ARK2C: variants seen among roughly 807,000 people sequenced by gnomAD.
ARK2C encodes the protein arkadia (RNF111) C-terminal like ring finger ubiquitin ligase 2C, also known as E3 ubiquitin-protein ligase ARK2C.
chr18:46,363,459 C>G, the ARK2C span, among the ~76,000 whole-genome samples: 1 of 152,200 alleles, frequency 6.6e-6, no homozygotes. Flanking sequence ...AGACAGTGCC[C>G]GTTCCTGGCT....
chr18:46,354,353 G>A, the ARK2C span, among the ~76,000 whole-genome samples: 1 of 152,210 alleles, frequency 6.6e-6, no homozygotes, highest in Non-Finnish European at 1.5e-5. Flanking sequence ...ATTAACTGAT[G>A]CAGGTTTGTA....
chr18:46,339,007 G>A, the ARK2C span, among the ~76,000 whole-genome samples: 21 of 152,046 alleles, frequency 1.4e-4, no homozygotes, highest in Non-Finnish European at 2.6e-4. Context: ...CTTTGTTCTC[G>A]TGCTCTTCCC....
chr18:46,370,532 C>T, the ARK2C span, among the ~76,000 whole-genome samples: 1 of 152,156 alleles, frequency 6.6e-6, no homozygotes, highest in Admixed American at 6.5e-5. Context: ...GTAGGGAAAA[C>T]ATTGTGTTCA....
the ARK2C span, among the ~76,000 whole-genome samples, chr18:46,342,481 TG>T: frequency 6.6e-6 from 1 of 152,212 alleles, no homozygotes; most frequent in African/African-American, 2.4e-5. Context: ...AAGGGGACTT[TG>T]AGAGACAGGG....
At chr18:46,409,101 C>G in the ARK2C span, among the ~76,000 whole-genome samples, 3 of 152,210 alleles carry the variant, frequency 2.0e-5, no homozygotes, top group Non-Finnish European at 4.4e-5. Context: ...GAGCACCTAA[C>G]AGTGCCTGGC....
chr18:46,392,657 A>G, the ARK2C span, among the ~76,000 whole-genome samples: 1 of 152,136 alleles, frequency 6.6e-6, no homozygotes, highest in African/African-American at 2.4e-5. Context: ...GCTGGGGGAC[A>G]CTGGGCCAGC....
At chr18:46,423,574 C>T in the ARK2C span, among the ~76,000 whole-genome samples, 2 of 152,142 alleles carry the variant, frequency 1.3e-5, no homozygotes, top group Non-Finnish European at 2.9e-5. Context: ...CACGTGGAGA[C>T]GTGTATGGTT....
chr18:46,378,888 T>C, the ARK2C span, among the ~76,000 whole-genome samples: 1 of 152,298 alleles, frequency 6.6e-6, no homozygotes, highest in East Asian at 1.9e-4. Context: ...GCTATGGTCC[T>C]GTCTAACCCA....
chr18:46,425,317 C>G, the ARK2C span, among the ~76,000 whole-genome samples: 1 of 152,216 alleles, frequency 6.6e-6, no homozygotes. Flanking sequence ...AGCTGGCAGG[C>G]CTGCAACAGG....
chr18:46,393,001 T>C, the ARK2C span, among the ~76,000 whole-genome samples: 1 of 152,088 alleles, frequency 6.6e-6, no homozygotes, highest in Admixed American at 6.5e-5. Flanking sequence ...GGCAGCCTCC[T>C]CACCTCATTT....
At chr18:46,450,179 G>C in the ARK2C span, 1 of 728,402 alleles carries the variant, frequency 1.4e-6, no homozygotes, top group East Asian at 2.6e-5. Flanking sequence ...AAAGACAATA[G>C]TTCTGCCCAC....
the ARK2C span, among the ~76,000 whole-genome samples, chr18:46,395,548 G>C: frequency 6.6e-6 from 1 of 152,162 alleles, no homozygotes; most frequent in African/African-American, 2.4e-5. Context: ...GGATGAGTTT[G>C]CTGGGGCTGA....
chr18:46,344,811 T>A, the ARK2C span, among the ~76,000 whole-genome samples: 1 of 152,182 alleles, frequency 6.6e-6, no homozygotes. Context: ...GGTGTGTGTG[T>A]CCCCAACCTC....
At chr18:46,435,286 C>G in the ARK2C span, 1 of 1,613,734 alleles carries the variant, frequency 6.2e-7, no homozygotes, top group Non-Finnish European at 8.5e-7. Context: ...CCTTCTGGTG[C>G]AGGCGGAGTC....
chr18:46,448,244 C>A, the ARK2C span, among the ~76,000 whole-genome samples: 2 of 151,288 alleles, frequency 1.3e-5, no homozygotes, highest in South Asian at 4.2e-4. Context: ...ATATCAACAC[C>A]CCATGCCCTG....
the ARK2C span, among the ~76,000 whole-genome samples, chr18:46,442,653 T>C: frequency 6.6e-6 from 1 of 152,228 alleles, no homozygotes; most frequent in Admixed American, 6.5e-5. Flanking sequence ...ATTCTATAAA[T>C]GTCTCTTAGA....
the ARK2C span, among the ~76,000 whole-genome samples, chr18:46,375,912 C>T: frequency 3.9e-5 from 6 of 152,304 alleles, no homozygotes; most frequent in East Asian, 1.2e-3. Flanking sequence ...TCAGTCCCTG[C>T]CTTTGATGAG....
chr18:46,424,648 G>C, the ARK2C span, among the ~76,000 whole-genome samples: 2 of 152,158 alleles, frequency 1.3e-5, no homozygotes, highest in African/African-American at 4.8e-5. Flanking sequence ...TGAGAGGCCT[G>C]GTCAGAAGCT....
the ARK2C span, among the ~76,000 whole-genome samples, chr18:46,414,622 C>G: frequency 6.6e-6 from 1 of 152,236 alleles, no homozygotes; most frequent in Non-Finnish European, 1.5e-5. Flanking sequence ...CACACACATG[C>G]TTATACATTC....
Sources: gnomAD v4.1 joint callset for allele counts (sites outside exome capture counted in the v4.1 genomes callset) on GRCh38, gnomAD v4.1.1 for gene constraint, MANE v1.5 for transcripts, NCBI Gene and HGNC (gene_info 2026-07-23, HGNC 2026-07-21) for gene names.